The following SPIDR variants were observed in gnomAD, a reference collection of about 807,000 sequenced individuals.
SPIDR encodes DNA repair-scaffolding protein.
Under a neutral mutation model 104.6 loss-of-function variants are expected in SPIDR, and 93 were observed. The observed-to-expected ratio is 0.89, with a 90% CI of 0.75 to 1.06. SPIDR has a LOEUF of 1.06. Ranked by LOEUF, SPIDR falls within the 50% of genes least tolerant of loss-of-function variation. SPIDR has a pLI of 0.00. For synonymous variants in SPIDR, 431 were observed against 416.9 expected (o/e 1.03, Z -0.41); for missense variants, 1,154 against 1,111.2 (o/e 1.04, Z -0.55).
intron 16 of SPIDR, 36 bp downstream of exon 16, chr8:47,713,677 T>C: frequency 6.2e-7 from 1 of 1,611,582 alleles, no homozygotes; most frequent in Non-Finnish European, 8.5e-7. Context: ...GTGCTTATAC[T>C]TTCTTAACTG....
chr8:47,323,314 T>C (rs1304854486), intron 5 of SPIDR, among the ~76,000 whole-genome samples: 3 of 152,184 alleles, frequency 2.0e-5, no homozygotes, highest in Non-Finnish European at 4.4e-5. Flanking sequence ...TTTATGTAAG[T>C]AGTTGTCATA....
Position 47,561,563 on chromosome 8 carries a change from A to G in SPIDR, c.1098-34248A>G, listed in dbSNP as rs539615404. On this transcript the variant is annotated intron_variant, in intron 8 of 19. Coordinates refer to ENST00000297423, the MANE Select transcript of SPIDR (RefSeq NM_001080394.4). Reference sequence around the variant, plus strand: ...TCAGCAGTCAGTCTCTGATCAACTGACTTTTAAATCCATTGGCTTTTTCCA... The same window carrying G: ...TCAGCAGTCAGTCTCTGATCAACTGGCTTTTAAATCCATTGGCTTTTTCCA... Among the ~76,000 whole-genome samples, 278 of 152,258 alleles carry G rather than the reference A, an allele frequency of 1.8e-3. 1 individual carries two copies. The highest frequency in any genetic ancestry group is 5.7e-3 in the African/African-American group (237 of 41,538).
intron 8 of SPIDR, chr8:47,592,728 A>G (rs2061187429): frequency 3.6e-6 from 2 of 556,276 alleles, no homozygotes; most frequent in Admixed American, 3.3e-5. Context: ...ATCTGCATAC[A>G]TTTAGAACCA....
At chr8:47,492,220 A>T (rs1554740422) in intron 8 of SPIDR, among the ~76,000 whole-genome samples, 1 of 152,160 alleles carries the variant, frequency 6.6e-6, no homozygotes, top group South Asian at 2.1e-4. Context: ...TCTTTAGTGC[A>T]TGGTATGACT....
intron 4 of SPIDR, among the ~76,000 whole-genome samples, chr8:47,292,667 G>A (rs2040126853): frequency 6.6e-6 from 1 of 152,062 alleles, no homozygotes; most frequent in Non-Finnish European, 1.5e-5. Flanking sequence ...TGTAATAGTA[G>A]CAGTCTTCCT....
chr8:47,668,225 C>A (rs2075260813), intron 10 of SPIDR, among the ~76,000 whole-genome samples: 1 of 152,132 alleles, frequency 6.6e-6, no homozygotes, highest in African/African-American at 2.4e-5. Flanking sequence ...TATAAATGAT[C>A]TTGATACCAA....
intron 7 of SPIDR, among the ~76,000 whole-genome samples, chr8:47,421,503 C>T (rs555589977): frequency 1.3e-5 from 2 of 152,138 alleles, no homozygotes; most frequent in African/African-American, 4.8e-5. Context: ...TTCTAGTTAG[C>T]CATTCGTCTA....
At chr8:47,261,552 T>A (rs2032323015) in intron 1 of SPIDR, among the ~76,000 whole-genome samples, 1 of 152,224 alleles carries the variant, frequency 6.6e-6, no homozygotes, top group African/African-American at 2.4e-5. Flanking sequence ...TCCTTTTTTG[T>A]TCTGCTAATT....
At chr8:47,496,583 G>A (rs573092647) in intron 8 of SPIDR, among the ~76,000 whole-genome samples, 3 of 152,152 alleles carry the variant, frequency 2.0e-5, no homozygotes, top group South Asian at 2.1e-4. Context: ...TGTGTTGCTG[G>A]ATTTGGTTTG....
intron 16 of SPIDR, among the ~76,000 whole-genome samples, chr8:47,724,970 G>A (rs551401114): frequency 1.2e-4 from 19 of 152,330 alleles, no homozygotes; most frequent in Non-Finnish European, 2.8e-4. Context: ...GGGACCTGGT[G>A]CAGGGCTGTA....
At chr8:47,399,570 T>C (rs1257586361) in intron 6 of SPIDR, among the ~76,000 whole-genome samples, 1 of 152,152 alleles carries the variant, frequency 6.6e-6, no homozygotes, top group Non-Finnish European at 1.5e-5. Context: ...GGAGAAGGGC[T>C]CCAGGGCTGT....
chr8:47,599,219 G>T (rs2061970703), intron 10 of SPIDR, 23 bp downstream of exon 10: 1 of 1,610,822 alleles, frequency 6.2e-7, no homozygotes, highest in Non-Finnish European at 8.5e-7. Context: ...ATGCTGGTGT[G>T]GGGCAGAGGT....
intron 11 of SPIDR, among the ~76,000 whole-genome samples, chr8:47,678,259 C>T (rs561060427): frequency 6.6e-6 from 1 of 151,888 alleles, no homozygotes; most frequent in Non-Finnish European, 1.5e-5. Flanking sequence ...AAATGAGGGT[C>T]GATATGAGTT....
At chr8:47,316,651 T>C (rs1415319817) in intron 5 of SPIDR, among the ~76,000 whole-genome samples, 2 of 152,080 alleles carry the variant, frequency 1.3e-5, no homozygotes, top group African/African-American at 4.8e-5. Context: ...ACAGGCAAAA[T>C]TGATACATAA....
chr8:47,269,040 GCCTGTGGTCCCAGCTA>G (rs2034693624), intron 1 of SPIDR, among the ~76,000 whole-genome samples: 1 of 151,954 alleles, frequency 6.6e-6, no homozygotes, highest in Non-Finnish European at 1.5e-5. Context: ...GGTGGCTCAT[GCCTGTGGTCCCAGCTA>G]CTCGGGAGGC....
chr8:47,387,214 G>A (rs1328820876), intron 5 of SPIDR, among the ~76,000 whole-genome samples: 1 of 152,242 alleles, frequency 6.6e-6, no homozygotes, highest in African/African-American at 2.4e-5. Context: ...GCGCTGGGGA[G>A]CAGCGAGGAG....
At chr8:47,417,551 A>C (rs1364342294) in intron 7 of SPIDR, among the ~76,000 whole-genome samples, 3 of 152,140 alleles carry the variant, frequency 2.0e-5, no homozygotes, top group African/African-American at 7.2e-5. Flanking sequence ...AGACTGCAAA[A>C]ATTGTCTCCC....
intron 7 of SPIDR, among the ~76,000 whole-genome samples, chr8:47,415,948 A>G (rs1324722493): frequency 5.9e-5 from 9 of 152,124 alleles, no homozygotes; most frequent in African/African-American, 2.2e-4. Flanking sequence ...CTAATCTGTT[A>G]AACATTTCCA....
intron 8 of SPIDR, among the ~76,000 whole-genome samples, chr8:47,486,056 A>G (rs1311189742): frequency 2.0e-5 from 3 of 152,244 alleles, no homozygotes; most frequent in Non-Finnish European, 2.9e-5. Flanking sequence ...AACTTCTCTG[A>G]GCTAAAGGAA....
Sources: allele counts gnomAD v4.1 joint callset (sites outside exome capture counted in the v4.1 genomes callset), GRCh38; gene constraint gnomAD v4.1.1; transcripts MANE v1.5; gene names NCBI Gene and HGNC (gene_info 2026-07-23, HGNC 2026-07-21).